The following CD47 variants were observed in gnomAD, a reference collection of about 807,000 sequenced individuals.
CD47 encodes leukocyte surface antigen CD47.
In CD47, 11 loss-of-function variants were observed where a neutral mutation model predicts 44.6. The observed-to-expected ratio is 0.25, with a 90% confidence interval of 0.16 to 0.41. The LOEUF is 0.41. Ranked by LOEUF, CD47 falls within the 10% of genes least tolerant of loss-of-function variation. The probability of loss-of-function intolerance (pLI) is 1.00; values close to 1 mark genes in which losing one functional copy is unlikely to be tolerated. For missense variants in CD47, 306 were observed against 386.7 expected (o/e 0.79, Z 1.75); for synonymous variants, 140 against 136.3 (o/e 1.03, Z -0.19).
chr3:108,045,267 ATTTT>A lies in CD47; in HGVS notation c.*2017_*2020del, dbSNP rs2078704309. The A allele has an allele frequency of 2.0e-5, 3 of 152,614 alleles. No homozygotes were observed. Among genetic ancestry groups the A allele is most frequent in the Non-Finnish European group, 4.4e-5 (3 of 68,046 alleles). The allele number at this position is 152,614 out of a possible 1,614,324, so 9.5% of individuals were successfully genotyped here. A position where few individuals can be genotyped will look rare whatever the true frequency, so the allele number is the denominator to read the frequency against. On this transcript the variant is annotated 3_prime_UTR_variant, in exon 11 of 11. Transcript: ENST00000361309. Reference sequence around the variant, plus strand: ...AAGGTACAACTTTAGTTTATAAAAAATTTTACTATAAAGATTTTCATACCTTTTC... The same window carrying A: ...AAGGTACAACTTTAGTTTATAAAAAAACTATAAAGATTTTCATACCTTTTC...
At chr3:108,050,978 A>G (rs541255444) in intron 8 of CD47, 1 of 229,974 alleles carries the variant, frequency 4.3e-6, no homozygotes, top group South Asian at 5.5e-5. Flanking sequence ...AAGTATCGCA[A>G]ATTGAACTCA....
At chr3:108,073,863 T>C (rs555064897) in intron 2 of CD47, among the ~76,000 whole-genome samples, 1 of 152,284 alleles carries the variant, frequency 6.6e-6, no homozygotes, top group African/African-American at 2.4e-5. Context: ...ACAAACGCAG[T>C]CCTGAGCTCA....
rs527579458 is a variant in CD47, at chr3:108,081,555, T to C, written c.47-1211A>G. On this transcript the variant is annotated intron_variant, in intron 1 of 10. Coordinates refer to ENST00000361309, the MANE Select transcript of CD47 (RefSeq NM_001777.4). ...GAATGCAAGGATGCATACTGGAATA[T>C]AGGTACTGGACAATGTTCAAAACAC... 1.1e-4 allele frequency among the ~76,000 whole-genome samples: 16 copies of C among 152,076 alleles called. No individual in the cohort carries two copies. In the South Asian group the frequency reaches 2.3e-3, roughly 22 times the overall value.
At chr3:108,052,062 G>T in intron 7 of CD47, 92 bp from the exon 8 acceptor site, 1 of 639,898 alleles carries the variant, frequency 1.6e-6, no homozygotes, top group African/African-American at 1.8e-5. Flanking sequence ...AATGTTCAGG[G>T]CTAAAACTAA....
chr3:108,053,228 A>C (rs1381959268), intron 7 of CD47: 2 of 152,302 alleles, frequency 1.3e-5, no homozygotes, highest in African/African-American at 4.8e-5. Flanking sequence ...CAAGCTTCCA[A>C]AGCTGGCAGG....
At chr3:108,081,369 A>G (rs2079414866) in intron 1 of CD47, among the ~76,000 whole-genome samples, 1 of 152,038 alleles carries the variant, frequency 6.6e-6, no homozygotes, top group Middle Eastern at 3.2e-3. Context: ...AAACATAAAC[A>G]AAAACAAAAC....
At chr3:108,062,819 CTT>C (rs534047169) in intron 3 of CD47, among the ~76,000 whole-genome samples, 22 of 131,740 alleles carry the variant, frequency 1.7e-4, no homozygotes, top group Non-Finnish European at 2.3e-4. Context: ...TTTTTGAATT[CTT>C]TTTTTTTTTT....
rs1194534839 is a variant in CD47, at chr3:108,060,763, C to T, written c.580G>A (p.Ala194Thr). ...LVITVIVIVG[A>T]ILFVPGEYSL... is the part of the protein sequence containing the mutation. Reference sequence around the variant, plus strand: ...ATCTTACCTGGGACGAAAAGAATGGCTCCAACAATGACAATGACAGTGATC... The same window carrying T: ...ATCTTACCTGGGACGAAAAGAATGGTTCCAACAATGACAATGACAGTGATC... The change falls in exon 4 of 11, where the codon GCC (alanine) becomes ACC (threonine). Residue 194 changes from alanine (A) to threonine (T), a missense_variant. Ala to Thr is a moderately conservative substitution (Grantham distance 58). Transcript: ENST00000361309. 1.9e-6 allele frequency: 3 copies of T among 1,612,972 alleles called. No individual in the cohort carries two copies. Among genetic ancestry groups the T allele is most frequent in the East Asian group, 2.2e-5 (1 of 44,854 alleles).
intron 2 of CD47, among the ~76,000 whole-genome samples, chr3:108,079,400 C>G (rs751920588): frequency 6.6e-6 from 1 of 151,304 alleles, no homozygotes; most frequent in Non-Finnish European, 1.5e-5. Context: ...ATTTGAATCT[C>G]TAGTTCTCTC....
chr3:108,057,503 A>T lies in CD47; in HGVS notation c.851T>A (p.Leu284His). ...GLSILALAQLLGLVYMKFVAS... is the reference protein window; with the variant it reads ...GLSILALAQLHGLVYMKFVAS... ...CACAAATTTCATATAAACTAGTCCA[A>T]GTAATTGTGCTAGAGCTAAGATACT... Residue 284 changes from leucine to histidine, a missense_variant, in exon 7 of 11, where the codon CTT becomes CAT. Leu to His is a moderately conservative substitution (Grantham distance 99). This residue lies in a region of CD47 where 131 missense variants were observed against 135.3 expected (regional missense o/e 0.97). Coordinates refer to ENST00000361309, the MANE Select transcript of CD47 (RefSeq NM_001777.4). The T allele has an allele frequency of 6.4e-7, 1 of 1,559,984 alleles. No homozygotes were observed. Among genetic ancestry groups the T allele is most frequent in the East Asian group, 2.2e-5 (1 of 44,456 alleles).
intron 1 of CD47, among the ~76,000 whole-genome samples, chr3:108,090,400 C>T (rs1026742060): frequency 1.3e-5 from 2 of 152,196 alleles, no homozygotes; most frequent in Admixed American, 6.5e-5. Flanking sequence ...CCAAAATGCG[C>T]ACTTCCATCG....
chr3:108,051,928 C>T lies in CD47; in HGVS notation c.909+11G>A, dbSNP rs1402803869. 21 of 1,499,964 alleles carry T rather than the reference C, an allele frequency of 1.4e-5. No homozygotes were observed. The highest frequency in any genetic ancestry group is 1.9e-5 in the Non-Finnish European group (20 of 1,078,760). The allele number at this position is 1,499,964 out of a possible 1,614,324, so 92.9% of individuals were successfully genotyped here. ...GATCATTCACAATTCATTTAATAAA[C>T]TTTAACTTACCCTAGGAGGTTGTAT... On this transcript the variant is annotated intron_variant, in intron 8 of 10. Coordinates refer to ENST00000361309, the MANE Select transcript of CD47 (RefSeq NM_001777.4).
chr3:108,077,391 T>A (rs1278931968), intron 2 of CD47, among the ~76,000 whole-genome samples: 1 of 152,126 alleles, frequency 6.6e-6, no homozygotes, highest in Non-Finnish European at 1.5e-5. Context: ...TACAACATAG[T>A]GGCACCAGAT....
At chr3:108,052,416 C>T (rs1394518334) in intron 7 of CD47, 1 of 161,646 alleles carries the variant, frequency 6.2e-6, no homozygotes. Flanking sequence ...GTCTCTTTCT[C>T]CACATCACTC....
intron 1 of CD47, among the ~76,000 whole-genome samples, chr3:108,087,925 T>C (rs983445508): frequency 2.6e-5 from 4 of 152,208 alleles, no homozygotes; most frequent in African/African-American, 9.7e-5. Flanking sequence ...TTTTCTACTT[T>C]AGTACTACAA....
At chr3:108,048,378 T>G (rs200884615) in intron 10 of CD47, among the ~76,000 whole-genome samples, 49 of 97,034 alleles carry the variant, frequency 5.0e-4, no homozygotes, top group East Asian at 3.4e-3. Context: ...AGTGTTTTTT[T>G]TTTTTTTTTT....
At chr3:108,087,891 A>G (rs781333013) in intron 1 of CD47, among the ~76,000 whole-genome samples, 19 of 152,198 alleles carry the variant, frequency 1.2e-4, no homozygotes, top group Non-Finnish European at 5.9e-5. Flanking sequence ...GTATATCAGA[A>G]TCAAATTTCC....
At chr3:108,072,759 A>G (rs1329014791) in intron 2 of CD47, among the ~76,000 whole-genome samples, 4 of 152,162 alleles carry the variant, frequency 2.6e-5, no homozygotes, top group African/African-American at 2.4e-5. Flanking sequence ...CTAATCCCCA[A>G]TGGATTTGGT....
rs746932655 is a variant in CD47 at position 108,044,580 on chromosome 3, G to A, written c.*2708C>T. On this transcript the variant is annotated 3_prime_UTR_variant, in exon 11 of 11. Coordinates refer to ENST00000361309, the MANE Select transcript of CD47 (RefSeq NM_001777.4). Reference sequence around the variant, plus strand: ...TGATGTATGCAAAACACTGCAGGAAGAGAGAATGAAAGAAAGAAAAGCTCT... The same window carrying A: ...TGATGTATGCAAAACACTGCAGGAAAAGAGAATGAAAGAAAGAAAAGCTCT... 2.0e-5 allele frequency: 3 copies of A among 152,000 alleles called. No homozygotes were observed. The highest frequency in any genetic ancestry group is 2.9e-5 in the Non-Finnish European group (2 of 68,012). The allele number at this position is 152,000 out of a possible 1,614,324, so 9.4% of individuals were successfully genotyped here. A position where few individuals can be genotyped will look rare whatever the true frequency, so the allele number is the denominator to read the frequency against.
Sources: gnomAD v4.1 joint callset for allele counts (sites outside exome capture counted in the v4.1 genomes callset) on GRCh38, gnomAD v4.1.1 for gene constraint, gnomAD v4.1.1 regional missense constraint, MANE v1.5 for transcripts, NCBI Gene and HGNC (gene_info 2026-07-23, HGNC 2026-07-21) for gene names.